The following TCF12 variants were observed in gnomAD, a reference collection of about 807,000 sequenced individuals.
The protein encoded by TCF12 is transcription factor 12.
In TCF12, 45 loss-of-function variants were observed where a neutral mutation model predicts 86.0. The ratio of observed to expected loss-of-function variants is 0.52; its 90% confidence interval spans 0.41 to 0.67. TCF12 has a LOEUF of 0.67. Ranked by LOEUF, TCF12 falls within the 30% of genes least tolerant of loss-of-function variation. The pLI is 0.00. For synonymous variants in TCF12, 330 were observed against 299.6 expected (o/e 1.10, Z -1.05); for missense variants, 881 against 859.9 (o/e 1.02, Z -0.31).
rs2061964105 is a variant in TCF12 at position 57,287,265 on chromosome 15, T to G, written c.*1120T>G. The G allele has an allele frequency of 1.3e-5, 2 of 152,848 alleles. No homozygotes were observed. Among genetic ancestry groups the G allele is most frequent in the African/African-American group, 2.4e-5 (1 of 41,448 alleles). 9.5% of individuals were successfully genotyped at this position (152,848 alleles called of 1,614,324 possible). A position where few individuals can be genotyped will look rare whatever the true frequency, so the allele number is the denominator to read the frequency against. On this transcript the variant is annotated 3_prime_UTR_variant, in exon 21 of 21. Coordinates refer to ENST00000333725, the MANE Select transcript of TCF12 (RefSeq NM_207037.2). ...CCAGTAGTCACCAAGGCAGGTAGTG[T>G]GATAAATGAACACACCACTCTGAGG...
chr15:57,108,631 A>T, intron 5 of TCF12, among the ~76,000 whole-genome samples: 1 of 151,848 alleles, frequency 6.6e-6, no homozygotes, highest in African/African-American at 2.4e-5. Flanking sequence ...AATTCCTTAG[A>T]GAGAGATCTG....
chr15:57,031,595 A>C (rs1283424947), intron 3 of TCF12, among the ~76,000 whole-genome samples: 1 of 152,222 alleles, frequency 6.6e-6, no homozygotes, highest in Non-Finnish European at 1.5e-5. Context: ...AATTGAATTT[A>C]ATTATAAAAT....
chr15:57,073,788 G>A lies in TCF12; in HGVS notation c.222+9965G>A, dbSNP rs141656275. ...TTTTGAGACGGAGTCTCGCTGTGTC[G>A]CCCAGGCTGGAGTACGGTGGCGCAA... is the stretch of plus-strand genomic sequence containing the variant. On this transcript the variant is annotated intron_variant, in intron 4 of 20. Transcript: ENST00000333725. Among the ~76,000 whole-genome samples, 688 of 152,146 alleles carry A rather than the reference G, an allele frequency of 4.5e-3. 8 individuals are homozygous for A. The highest frequency in any genetic ancestry group is 0.023 in the Admixed American group (355 of 15,294).
At chr15:57,237,148 A>AGT (rs59704193) in intron 12 of TCF12, among the ~76,000 whole-genome samples, 35 of 146,130 alleles carry the variant, frequency 2.4e-4, no homozygotes, top group African/African-American at 5.8e-4. Context: ...AGAGAGAGAG[A>AGT]GTGTGTGTGT....
rs554200151 is a variant in TCF12 at position 57,197,947 on chromosome 15, A to T, written c.579+122A>T. ...GGCATACTTTACATAGTAATTGTTC[A>T]GTGCTTAACAAAATCATTGATTGAG... On this transcript the variant is annotated intron_variant, in intron 8 of 20. Transcript: ENST00000333725. 5.4e-6 allele frequency: 5 copies of T among 918,294 alleles called. No individual in the cohort carries two copies. In the South Asian group the frequency reaches 6.4e-5, roughly 12 times the overall value. 56.9% of individuals were successfully genotyped at this position (918,294 alleles called of 1,614,324 possible).
chr15:57,127,283 C>T lies in TCF12; in HGVS notation c.325+35392C>T, dbSNP rs111333688. ...CAGGTGTGAGCCACCTTGCCTGGCC[C>T]GCTTGTACTCTTTCTTCTTTTTTTT... On this transcript the variant is annotated intron_variant, in intron 5 of 20. Transcript: ENST00000333725. 3.3e-5 allele frequency among the ~76,000 whole-genome samples: 5 copies of T among 151,998 alleles called. 1 individual carries two copies. In the South Asian group the frequency reaches 1.0e-3, roughly 32 times the overall value.
At chr15:57,143,632 G>A (rs2053152710) in intron 5 of TCF12, among the ~76,000 whole-genome samples, 1 of 152,126 alleles carries the variant, frequency 6.6e-6, no homozygotes, top group Non-Finnish European at 1.5e-5. Flanking sequence ...GTACATTTGT[G>A]TGGCAATAGG....
chr15:57,124,677 T>C (rs1349615504), intron 5 of TCF12, among the ~76,000 whole-genome samples: 7 of 152,022 alleles, frequency 4.6e-5, no homozygotes, highest in African/African-American at 1.7e-4. Flanking sequence ...AAAATATTTC[T>C]TTTTTCTTTT....
intron 5 of TCF12, among the ~76,000 whole-genome samples, chr15:57,147,189 A>G (rs918909924): frequency 3.9e-5 from 6 of 152,222 alleles, no homozygotes; most frequent in African/African-American, 9.6e-5. Flanking sequence ...AATAAATGCA[A>G]TCATTTCTGG....
intron 3 of TCF12, among the ~76,000 whole-genome samples, chr15:56,971,709 CAT>C (rs1197964099): frequency 1.3e-5 from 2 of 152,194 alleles, no homozygotes; most frequent in Admixed American, 6.5e-5. Context: ...CAATTTAAAA[CAT>C]ATGAATTGTT....
chr15:57,270,702 A>C (rs1317826352), intron 18 of TCF12, among the ~76,000 whole-genome samples: 1 of 152,056 alleles, frequency 6.6e-6, no homozygotes, highest in Non-Finnish European at 1.5e-5. Context: ...TTGTGGTTTT[A>C]TCTACCTTTG....
intron 8 of TCF12, among the ~76,000 whole-genome samples, chr15:57,208,381 T>TC (rs2057946543): frequency 1.9e-4 from 1 of 5,352 alleles, no homozygotes; most frequent in Non-Finnish European, 4.9e-4. Flanking sequence ...AAAAATATCC[T>TC]TTTTTTTTTT....
upstream of TCF12, chr15:56,918,262 C>T (rs1306081228): frequency 1.5e-5 from 7 of 456,230 alleles, no homozygotes; most frequent in Admixed American, 1.6e-4. Context: ...AGCTCGGGGA[C>T]CTGGGCAGCG....
intron 5 of TCF12, among the ~76,000 whole-genome samples, chr15:57,143,441 G>T (rs1478872501): frequency 1.3e-5 from 2 of 152,120 alleles, no homozygotes; most frequent in African/African-American, 4.8e-5. Context: ...CAACTTTTAT[G>T]TAAGCTTGGG....
chr15:56,935,376 T>C (rs1352625167), intron 3 of TCF12, among the ~76,000 whole-genome samples: 1 of 152,190 alleles, frequency 6.6e-6, no homozygotes, highest in Admixed American at 6.5e-5. Flanking sequence ...GGGCTCTCTT[T>C]CTGGCTTGCA....
chr15:57,039,420 C>A (rs1440120577), intron 3 of TCF12, among the ~76,000 whole-genome samples: 1 of 152,150 alleles, frequency 6.6e-6, no homozygotes, highest in African/African-American at 2.4e-5. Flanking sequence ...CATTTGTATA[C>A]CCAGGTATTT....
intron 3 of TCF12, among the ~76,000 whole-genome samples, chr15:57,063,440 ACTC>A (rs1277583472): frequency 6.6e-6 from 1 of 152,102 alleles, no homozygotes; most frequent in Non-Finnish European, 1.5e-5. Flanking sequence ...GGGTTCATCT[ACTC>A]CTAGAAGTAG....
chr15:56,968,147 G>A (rs1318130202), intron 3 of TCF12, among the ~76,000 whole-genome samples: 1 of 151,990 alleles, frequency 6.6e-6, no homozygotes, highest in Non-Finnish European at 1.5e-5. Context: ...AGTAGAGATG[G>A]GATTTTGCCA....
chr15:56,940,487 C>CCTCCTCCTCCTCCTTCTTCTTCTT (rs2060688389), intron 3 of TCF12, among the ~76,000 whole-genome samples: 1 of 101,374 alleles, frequency 9.9e-6, no homozygotes, highest in Non-Finnish European at 2.2e-5. Context: ...TTCTCCTCCT[C>CCTCCTCCTCCTCCTTCTTCTTCTT]CTCCTCCTCC....
Sources: gnomAD v4.1 joint callset for allele counts (sites outside exome capture counted in the v4.1 genomes callset) on GRCh38, gnomAD v4.1.1 for gene constraint, MANE v1.5 for transcripts, NCBI Gene and HGNC (gene_info 2026-07-23, HGNC 2026-07-21) for gene names.